GNG2: variants seen among roughly 807,000 people sequenced by gnomAD.
The protein encoded by GNG2 is guanine nucleotide-binding protein G(I)/G(S)/G(O) subunit gamma-2.
A neutral mutation model predicts 5.5 loss-of-function variants in GNG2; 5 were observed. The observed-to-expected ratio is 0.91, with a 90% confidence interval of 0.48 to 1.92. GNG2 has a LOEUF of 1.92. GNG2 is among the 30% of genes most tolerant of loss of function. The probability of loss-of-function intolerance (pLI) is 0.01; values close to 1 mark genes in which losing one functional copy is unlikely to be tolerated. For synonymous variants in GNG2, 28 were observed against 32.0 expected (o/e 0.88, Z 0.42); for missense variants, 55 against 88.4 (o/e 0.62, Z 1.52).
At chr14:51,876,052 C>A (rs1243853369) in intron 1 of GNG2, among the ~76,000 whole-genome samples, 1 of 151,614 alleles carries the variant, frequency 6.6e-6, no homozygotes, top group Non-Finnish European at 1.5e-5. Flanking sequence ...ATCCTCCCAC[C>A]TCAGCCTTCC....
At chr14:51,866,902 C>A (rs1194297878) in intron 1 of GNG2, among the ~76,000 whole-genome samples, 7 of 152,212 alleles carry the variant, frequency 4.6e-5, no homozygotes, top group African/African-American at 1.7e-4. Context: ...TTAACATCAT[C>A]TTTCCTTTAA....
At position 51,852,804 on chromosome 14, in the gene GNG2, T is replaced by C. The variant is rs532655506; in HGVS notation, c.64+24997T>C. Reference sequence around the variant, plus strand: ...AACATTTCATGAGAAGTGTTTTGCATCACTGCAAATGTACCTTCAGAGTTC... The same window carrying C: ...AACATTTCATGAGAAGTGTTTTGCACCACTGCAAATGTACCTTCAGAGTTC... On this transcript the variant is annotated intron_variant, in intron 2 of 3. Coordinates refer to the GNG2 transcript ENST00000553432. Among the ~76,000 whole-genome samples the C allele has an allele frequency of 3.3e-5, 5 of 152,382 alleles. No individual in the cohort carries two copies. In the South Asian group the frequency reaches 1.0e-3, roughly 32 times the overall value.
upstream of GNG2, among the ~76,000 whole-genome samples, chr14:51,856,593 C>T (rs1014312765): frequency 1.2e-4 from 19 of 152,024 alleles, no homozygotes; most frequent in East Asian, 3.9e-4. Flanking sequence ...CCACTACACC[C>T]GGCTTATTTT....
chr14:51,917,245 A>C, intron 2 of GNG2: 1 of 397,170 alleles, frequency 2.5e-6, no homozygotes, highest in Non-Finnish European at 5.0e-6. Context: ...GAGTCAAAAT[A>C]TCCACCAGTC....
intron 2 of GNG2, among the ~76,000 whole-genome samples, chr14:51,835,434 A>G (rs1881304033): frequency 6.6e-6 from 1 of 152,224 alleles, no homozygotes; most frequent in Non-Finnish European, 1.5e-5. Flanking sequence ...CCAAGGCTAT[A>G]CAGATAAATA....
chr14:51,941,752 T>A (rs903349798), intron 2 of GNG2, among the ~76,000 whole-genome samples: 3 of 152,212 alleles, frequency 2.0e-5, no homozygotes, highest in Non-Finnish European at 4.4e-5. Context: ...TGAAAGAAAT[T>A]AAAGTGCTGA....
In GNG2 at chr14:51,841,452, TA is replaced by T. The variant is rs368662110; in HGVS notation, c.64+13647del. The T allele has an allele frequency of 2.8e-3, 1,897 of 681,932 alleles. 7 individuals carry two copies. Among genetic ancestry groups the T allele is most frequent in the Non-Finnish European group, 3.3e-3 (1,224 of 374,514 alleles). The allele number at this position is 681,932 out of a possible 1,614,324, so 42.2% of individuals were successfully genotyped here. ...ACTGTTTGTTCTGTATGAATTCATA[TA>T]ATCCTCACTGTAATCCTCTAAGGTA... On this transcript the variant is annotated intron_variant, in intron 2 of 3. Transcript: ENST00000553432.
intron 2 of GNG2, among the ~76,000 whole-genome samples, chr14:51,881,944 A>T (rs187826539): frequency 1.3e-5 from 2 of 152,070 alleles, no homozygotes; most frequent in Admixed American, 6.6e-5. Context: ...AGGACTTTCA[A>T]TCCTGGTTTC....
chr14:51,882,881 A>G (rs145991005), intron 2 of GNG2, among the ~76,000 whole-genome samples: 89 of 152,004 alleles, frequency 5.9e-4, no homozygotes, highest in African/African-American at 2.0e-3. Context: ...ATGGTGGCAC[A>G]TGCCTGTAGT....
chr14:51,872,017 C>T (rs1408733550), intron 1 of GNG2, among the ~76,000 whole-genome samples: 1 of 152,196 alleles, frequency 6.6e-6, no homozygotes, highest in Non-Finnish European at 1.5e-5. Context: ...GCCATAAGAA[C>T]CGGCAGGTGA....
chr14:51,846,527 A>T (rs1414728326), intron 2 of GNG2, among the ~76,000 whole-genome samples: 1 of 152,234 alleles, frequency 6.6e-6, no homozygotes, highest in Admixed American at 6.5e-5. Context: ...TTAATTCTAA[A>T]ATTTAGAACT....
chr14:51,950,649 G>GAAAAGAA lies in GNG2; in HGVS notation c.-29-1_-29insAAAAGAA. On this transcript the variant is annotated splice_region_variant and 5_prime_UTR_variant. Transcript: ENST00000556766. ...AATCTTCTTTTTGTTTTCTTTTCTA[G>GAAAAGAA]TGTTTCTGAAAGATCTATCCAGCAC... 1 of 1,531,242 alleles carries GAAAAGAA rather than the reference G, an allele frequency of 6.5e-7. No individual in the cohort carries two copies. The highest frequency in any genetic ancestry group is 1.8e-5 in the Admixed American group (1 of 56,602). 94.9% of individuals were successfully genotyped at this position (1,531,242 alleles called of 1,614,324 possible).
rs1046144876 is a variant in GNG2, at chr14:51,847,777, A to G, written c.64+19970A>G. Among the ~76,000 whole-genome samples the G allele has an allele frequency of 2.0e-5, 3 of 151,878 alleles. No homozygotes were observed. The South Asian group carries it at 6.2e-4, about 32-fold the overall frequency. On this transcript the variant is annotated intron_variant, in intron 2 of 3. Transcript: ENST00000553432. ...TTACCAAGAGGTGATCGCACTTCCA[A>G]CTAAAATTGAGAATGTGCTCCTTGA...
intron 2 of GNG2, chr14:51,916,547 T>G (rs938782980): frequency 4.4e-6 from 2 of 450,242 alleles, no homozygotes. Context: ...CCAATTAAAC[T>G]TCTCTCCTGG....
At chr14:51,854,115 C>A (rs557682148) in intron 2 of GNG2, among the ~76,000 whole-genome samples, 11 of 152,272 alleles carry the variant, frequency 7.2e-5, no homozygotes, top group Admixed American at 1.3e-4. Context: ...CTCAGGTGAT[C>A]TGCCTGCCTT....
chr14:51,884,675 C>A (rs190888803), intron 2 of GNG2, among the ~76,000 whole-genome samples: 1 of 152,174 alleles, frequency 6.6e-6, no homozygotes. Flanking sequence ...TTTGATTCTG[C>A]CCCTTGGACA....
chr14:51,853,205 T>G (rs1644059001), intron 2 of GNG2, among the ~76,000 whole-genome samples: 1 of 152,208 alleles, frequency 6.6e-6, no homozygotes, highest in African/African-American at 2.4e-5. Context: ...CAGTTAAAGT[T>G]AACAAACAAA....
rs149378359 is a variant in GNG2 at position 51,827,722 on chromosome 14, C to A, written c.-22C>A. The A allele has an allele frequency of 1.4e-3, 956 of 702,218 alleles. 4 individuals are homozygous for A. The Middle Eastern group carries it at 0.015, about 11-fold the overall frequency. The allele number at this position is 702,218 out of a possible 1,614,324, so 43.5% of individuals were successfully genotyped here. A position where few individuals can be genotyped will look rare whatever the true frequency, so the allele number is the denominator to read the frequency against. On this transcript the variant is annotated 5_prime_UTR_variant, in exon 2 of 4. Transcript: ENST00000553432. ...GGAGCTGGGTGATTCCTGAGCCCAA[C>A]CTGTGCCTCTGGTCTAGGGGCATGC...
intron 2 of GNG2, among the ~76,000 whole-genome samples, chr14:51,935,631 C>T (rs1887947785): frequency 6.6e-6 from 1 of 152,168 alleles, no homozygotes; most frequent in African/African-American, 2.4e-5. Context: ...GTCCTTTGTT[C>T]TGACACTGTG....
Sources: gnomAD v4.1 joint callset for allele counts (sites outside exome capture counted in the v4.1 genomes callset) on GRCh38, gnomAD v4.1.1 for gene constraint, MANE v1.5 for transcripts, NCBI Gene and HGNC (gene_info 2026-07-23, HGNC 2026-07-21) for gene names.